The following RLN2 variants were observed in gnomAD, a reference collection of about 807,000 sequenced individuals.
RLN2 encodes prorelaxin H2.
In RLN2, 10 loss-of-function variants were observed where a neutral mutation model predicts 7.3. The ratio of observed to expected loss-of-function variants is 1.36; its 90% CI spans 0.84 to 2.31. The LOEUF (loss-of-function observed/expected upper bound fraction) is 2.31. Ranked by LOEUF, RLN2 falls within the 30% of genes most tolerant of loss-of-function variation. RLN2 has a pLI of 0.00. For missense variants in RLN2, 298 were observed against 217.6 expected (o/e 1.37, Z -2.32); for synonymous variants, 103 against 82.3 (o/e 1.25, Z -1.36).
the RLN2 span, among the ~76,000 whole-genome samples, chr9:5,327,580 G>A: frequency 4.7e-4 from 72 of 152,154 alleles, no homozygotes; most frequent in African/African-American, 1.6e-3. Context: ...TTCGAGCTTT[G>A]GGAATGGACA....
At chr9:5,324,491 A>C in the RLN2 span, among the ~76,000 whole-genome samples, 2 of 152,066 alleles carry the variant, frequency 1.3e-5, no homozygotes, top group Non-Finnish European at 2.9e-5. Flanking sequence ...TCCTATTACC[A>C]TAATGAAATA....
At chr9:5,308,203 A>G (rs1048046342), upstream of RLN2, among the ~76,000 whole-genome samples, 4 of 152,084 alleles carry the variant, frequency 2.6e-5, no homozygotes, top group East Asian at 3.8e-4. Context: ...CAGAAGAATC[A>G]AACAAGAAAT....
chr9:5,337,401 T>A, the RLN2 span, among the ~76,000 whole-genome samples: 12 of 152,094 alleles, frequency 7.9e-5, no homozygotes, highest in Admixed American at 1.3e-4. Context: ...CTTTTAGCTA[T>A]GGAACCTAGG....
chr9:5,325,753 A>G, the RLN2 span, among the ~76,000 whole-genome samples: 1 of 152,090 alleles, frequency 6.6e-6, no homozygotes, highest in African/African-American at 2.4e-5. Flanking sequence ...TCACAAGCCA[A>G]TATCATCTTA....
chr9:5,301,415 T>C (rs1465499106), intron 1 of RLN2, among the ~76,000 whole-genome samples: 1 of 152,242 alleles, frequency 6.6e-6, no homozygotes, highest in Non-Finnish European at 1.5e-5. Context: ...TAAATTTATT[T>C]AAATGTTTCT....
At chr9:5,332,827 G>C in the RLN2 span, among the ~76,000 whole-genome samples, 1 of 151,838 alleles carries the variant, frequency 6.6e-6, no homozygotes, top group Non-Finnish European at 1.5e-5. Context: ...ATGTTAGCCA[G>C]GATGGTCTCG....
chr9:5,320,381 A>G, the RLN2 span, among the ~76,000 whole-genome samples: 1 of 151,746 alleles, frequency 6.6e-6, no homozygotes, highest in African/African-American at 2.4e-5. Context: ...TTTATTTTTT[A>G]ATTTTTTGAC....
At chr9:5,328,370 T>G in the RLN2 span, among the ~76,000 whole-genome samples, 1 of 149,778 alleles carries the variant, frequency 6.7e-6, no homozygotes, top group African/African-American at 2.5e-5. Context: ...GAAAAAAGAG[T>G]GAAAAGAAAT....
At chr9:5,334,488 A>T in the RLN2 span, among the ~76,000 whole-genome samples, 3 of 152,060 alleles carry the variant, frequency 2.0e-5, no homozygotes, top group Non-Finnish European at 4.4e-5. Flanking sequence ...ACAAGTGTTC[A>T]TACTATTTCA....
At chr9:5,317,880 T>C in the RLN2 span, among the ~76,000 whole-genome samples, 67 of 151,974 alleles carry the variant, frequency 4.4e-4, 1 homozygote, top group Non-Finnish European at 7.4e-5. Context: ...AATTTTCAAC[T>C]TAATACACTG....
At position 5,300,101 on chromosome 9, in the gene RLN2, G is replaced by A; in HGVS notation, c.555C>T (p.Cys185=). The change falls in exon 2 of 2, where the codon TGC becomes TGT. Residue 185 remains cysteine (C), a synonymous_variant. Transcript: ENST00000381627. The stretch of plus-strand genomic sequence containing the variant: ...GATGTGCACAATTAGCTTCATCTCA[G>A]CAAAATCTAGCAAGAGATCTTTTGG... ...GCTKRSLARF[C] is the part of the protein sequence containing the mutation. The A allele has an allele frequency of 6.3e-7, 1 of 1,588,858 alleles. No individual in the cohort carries two copies.
the RLN2 span, among the ~76,000 whole-genome samples, chr9:5,318,428 A>AT: frequency 6.6e-6 from 1 of 151,858 alleles, no homozygotes; most frequent in Non-Finnish European, 1.5e-5. Context: ...AAATATGTGG[A>AT]TTTTTAAAAA....
the RLN2 span, chr9:5,311,819 ATTTT>A: frequency 3.9e-5 from 25 of 632,962 alleles, no homozygotes; most frequent in Admixed American, 8.0e-5. Context: ...TTTTTTTAGT[ATTTT>A]TTTTCTTTTT....
the RLN2 span, among the ~76,000 whole-genome samples, chr9:5,320,106 C>G: frequency 2.6e-5 from 4 of 151,566 alleles, no homozygotes; most frequent in Non-Finnish European, 5.9e-5. Context: ...CTGCCTCAGC[C>G]TCCCAAGTAG....
At chr9:5,307,703 G>T (rs1816279655), upstream of RLN2, among the ~76,000 whole-genome samples, 1 of 151,888 alleles carries the variant, frequency 6.6e-6, no homozygotes, top group African/African-American at 2.4e-5. Flanking sequence ...CTTCTGTGTT[G>T]GAATCTCCAT....
At chr9:5,310,047 G>C in the RLN2 span, among the ~76,000 whole-genome samples, 1 of 151,950 alleles carries the variant, frequency 6.6e-6, no homozygotes, top group African/African-American at 2.4e-5. Context: ...GAGTGGAGTA[G>C]TTGTGTTGGG....
At chr9:5,330,974 A>G in the RLN2 span, among the ~76,000 whole-genome samples, 2 of 152,100 alleles carry the variant, frequency 1.3e-5, no homozygotes, top group Non-Finnish European at 2.9e-5. Context: ...GAACACCTCT[A>G]CGCAAATAAA....
chr9:5,326,068 G>C, the RLN2 span, among the ~76,000 whole-genome samples: 21 of 152,166 alleles, frequency 1.4e-4, 1 homozygote, highest in Admixed American at 1.2e-3. Context: ...ATGTATTAAA[G>C]CAGTTTAGGA....
At chr9:5,313,766 C>T in the RLN2 span, among the ~76,000 whole-genome samples, 1 of 152,046 alleles carries the variant, frequency 6.6e-6, no homozygotes, top group East Asian at 1.9e-4. Flanking sequence ...CACCACCACC[C>T]TCCCAAAGAT....
Sources: gnomAD v4.1 joint callset for allele counts (sites outside exome capture counted in the v4.1 genomes callset) on GRCh38, gnomAD v4.1.1 for gene constraint, MANE v1.5 for transcripts, NCBI Gene and HGNC (gene_info 2026-07-23, HGNC 2026-07-21) for gene names.